The following SLC66A3 variants were observed in gnomAD, a reference collection of about 807,000 sequenced individuals.
SLC66A3 encodes solute carrier family 66 member 3.
A neutral mutation model predicts 25.5 loss-of-function variants in SLC66A3; 23 were observed. That is an observed-to-expected ratio of 0.90 (90% CI 0.65 to 1.28). The LOEUF is 1.28. Among genes scored for constraint, SLC66A3 ranks in the 50% most tolerant of loss-of-function variants. SLC66A3 has a pLI of 0.00. For missense variants in SLC66A3, 246 were observed against 262.1 expected (o/e 0.94, Z 0.42); for synonymous variants, 108 against 112.6 (o/e 0.96, Z 0.26).
chr2:11,176,036 A>G (rs1286244695), intron 6 of SLC66A3, among the ~76,000 whole-genome samples: 1 of 152,232 alleles, frequency 6.6e-6, no homozygotes, highest in Non-Finnish European at 1.5e-5. Flanking sequence ...GGGAAGGAAG[A>G]CAGGCTTGGG....
intron 6 of SLC66A3, among the ~76,000 whole-genome samples, 169 bp from the exon 7 acceptor site, chr2:11,177,568 C>T (rs1662805059): frequency 6.6e-6 from 1 of 152,140 alleles, no homozygotes; most frequent in Admixed American, 6.6e-5. Flanking sequence ...GGCCAAGGGG[C>T]CAAAAATTGT....
chr2:11,165,671 G>C (rs532128688), intron 4 of SLC66A3, among the ~76,000 whole-genome samples: 2 of 152,278 alleles, frequency 1.3e-5, no homozygotes, highest in East Asian at 3.9e-4. Context: ...AGGCGGCTGG[G>C]AGGTGCAGGT....
chr2:11,159,868 G>A (rs541733535), intron 1 of SLC66A3, among the ~76,000 whole-genome samples: 9 of 152,198 alleles, frequency 5.9e-5, no homozygotes, highest in East Asian at 5.8e-4. Flanking sequence ...CCTCACAGCC[G>A]GAGTCTTCTT....
Position 11,162,058 on chromosome 2 carries a change from G to A in SLC66A3, c.296+1364G>A, listed in dbSNP as rs1035028016. ...CTTCAGCATACACCATAAACTGTGC[G>A]TCCCCCATCTGTGACATGGGATCAT... On this transcript the variant is annotated intron_variant, in intron 3 of 6. Coordinates refer to ENST00000295083, the MANE Select transcript of SLC66A3 (RefSeq NM_152391.5). Among the ~76,000 whole-genome samples, 47 of 152,176 alleles carry A rather than the reference G, an allele frequency of 3.1e-4. 1 individual carries two copies. The highest frequency in any genetic ancestry group is 5.9e-5 in the Non-Finnish European group (4 of 68,044).
chr2:11,172,621 TTCA>T, intron 5 of SLC66A3: 1 of 224,806 alleles, frequency 4.4e-6, no homozygotes, highest in Non-Finnish European at 9.5e-6. Flanking sequence ...TTAAGTAGAC[TTCA>T]TCATGGTTCT....
intron 6 of SLC66A3, among the ~76,000 whole-genome samples, chr2:11,176,763 C>T (rs1558261853): frequency 8.7e-6 from 1 of 115,528 alleles, no homozygotes; most frequent in Admixed American, 8.8e-5. Flanking sequence ...CTCCTGACCT[C>T]GTGATCCGCC....
chr2:11,160,800 CTAAAA>C (rs2147984829), intron 3 of SLC66A3, 106 bp downstream of exon 3: 1 of 1,219,672 alleles, frequency 8.2e-7, no homozygotes. Flanking sequence ...TTTGGTTAAA[CTAAAA>C]AAAAAAAAAA....
In SLC66A3 at chr2:11,178,026, T is replaced by C; in HGVS notation, c.*198T>C. ...ACCAATTTGCCTCCTCCTTCCTCACTTCGTTAGGTTATGGTAGTGCTCAGA... is the reference window on the plus strand; with the variant it reads ...ACCAATTTGCCTCCTCCTTCCTCACCTCGTTAGGTTATGGTAGTGCTCAGA... On this transcript the variant is annotated 3_prime_UTR_variant, in exon 7 of 7. Coordinates refer to ENST00000295083, the MANE Select transcript of SLC66A3 (RefSeq NM_152391.5). 1.8e-6 allele frequency: 1 copy of C among 545,120 alleles called. No homozygotes were observed. 33.8% of individuals were successfully genotyped at this position (545,120 alleles called of 1,614,324 possible). A position where few individuals can be genotyped will look rare whatever the true frequency, so the allele number is the denominator to read the frequency against.
Position 11,155,525 on chromosome 2 carries a change from A to G in SLC66A3, c.-22A>G, listed in dbSNP as rs1271709395. 6 of 1,484,266 alleles carry G rather than the reference A, an allele frequency of 4.0e-6. No homozygotes were observed. The highest frequency in any genetic ancestry group is 2.9e-5 in the East Asian group (1 of 34,372). The allele number at this position is 1,484,266 out of a possible 1,614,324, so 91.9% of individuals were successfully genotyped here. A position where few individuals can be genotyped will look rare whatever the true frequency, so the allele number is the denominator to read the frequency against. Reference sequence around the variant, plus strand: ...CGGTCCCTTCTCGCTGCGGCCGCCCAGGTGCCCGCGCCCGTGGCGCTATGG... The same window carrying G: ...CGGTCCCTTCTCGCTGCGGCCGCCCGGGTGCCCGCGCCCGTGGCGCTATGG... On this transcript the variant is annotated 5_prime_UTR_variant, in exon 1 of 7. Transcript: ENST00000295083.
At chr2:11,169,862 C>CA (rs1662486620) in intron 4 of SLC66A3, among the ~76,000 whole-genome samples, 1 of 43,934 alleles carries the variant, frequency 2.3e-5, no homozygotes, top group South Asian at 8.7e-4. Flanking sequence ...TTTTTTGAGA[C>CA]AGAGTCTTGC....
chr2:11,177,680 G>A lies in SLC66A3; in HGVS notation c.518-57G>A, dbSNP rs897752657. On this transcript the variant is annotated intron_variant, in intron 6 of 6. Transcript: ENST00000295083. Reference sequence around the variant, plus strand: ...TTTAGGCTTATACTTTGAGCAGGAGGTGGTTTTGGTCTGTATTGTAAAGAC... The same window carrying A: ...TTTAGGCTTATACTTTGAGCAGGAGATGGTTTTGGTCTGTATTGTAAAGAC... The A allele has an allele frequency of 3.9e-6, 4 of 1,037,148 alleles. No homozygotes were observed. The East Asian group carries it at 7.3e-5, about 19-fold the overall frequency. 64.2% of individuals were successfully genotyped at this position (1,037,148 alleles called of 1,614,324 possible).
In SLC66A3 at chr2:11,155,665, C is replaced by A. The variant is rs745573730; in HGVS notation, c.119C>A (p.Pro40Gln). 1.4e-6 allele frequency: 2 copies of A among 1,467,134 alleles called. No individual in the cohort carries two copies. Among genetic ancestry groups the A allele is most frequent in the African/African-American group, 1.5e-5 (1 of 68,436 alleles). 90.9% of individuals were successfully genotyped at this position (1,467,134 alleles called of 1,614,324 possible). ...CGCAGCGCGCGGGGCCTCAGCCTTCCGAGTTTACTTCTGGAGCTGGCAGGG... is the reference window on the plus strand; with the variant it reads ...CGCAGCGCGCGGGGCCTCAGCCTTCAGAGTTTACTTCTGGAGCTGGCAGGG... ...AARSARGLSL[P>Q]SLLLELAGFL... Residue 40 changes from proline to glutamine, a missense_variant, in exon 1 of 7, where the codon CCG becomes CAG. Around this residue, in one of 3 missense-constraint regions of SLC66A3, gnomAD observed 142 missense variants for 130.3 expected, o/e 1.09. Coordinates refer to ENST00000295083, the MANE Select transcript of SLC66A3 (RefSeq NM_152391.5).
At chr2:11,171,860 A>G (rs1662565074) in intron 4 of SLC66A3, 65 bp from the exon 5 acceptor site, 1 of 1,587,968 alleles carries the variant, frequency 6.3e-7, no homozygotes, top group East Asian at 2.3e-5. Context: ...GAGCCACCGC[A>G]CCTGGCCTCT....
intron 1 of SLC66A3, among the ~76,000 whole-genome samples, chr2:11,156,691 G>A (rs1020237532): frequency 6.6e-6 from 1 of 152,154 alleles, no homozygotes; most frequent in Non-Finnish European, 1.5e-5. Flanking sequence ...CCAATAGGGG[G>A]CTTTGAGGGG....
At chr2:11,158,187 T>G (rs957112669) in intron 1 of SLC66A3, among the ~76,000 whole-genome samples, 4 of 152,208 alleles carry the variant, frequency 2.6e-5, no homozygotes, top group African/African-American at 9.7e-5. Context: ...TGGCATGATT[T>G]TATTATGATA....
intron 3 of SLC66A3, among the ~76,000 whole-genome samples, chr2:11,162,541 T>C (rs928476911): frequency 2.0e-5 from 3 of 152,224 alleles, no homozygotes; most frequent in African/African-American, 4.8e-5. Flanking sequence ...TAATCTCCCA[T>C]TGGTTGTGAC....
chr2:11,173,085 ACTC>A (rs1489575389), intron 5 of SLC66A3, among the ~76,000 whole-genome samples: 8 of 151,894 alleles, frequency 5.3e-5, no homozygotes, highest in African/African-American at 1.9e-4. Flanking sequence ...CTGGTTTTGA[ACTC>A]CTGACCTCAA....
At chr2:11,164,324 T>G (rs557477383) in intron 4 of SLC66A3, 63 bp downstream of exon 4, 45 of 254,880 alleles carry the variant, frequency 1.8e-4, no homozygotes, top group African/African-American at 1.4e-3. Flanking sequence ...ACTTGATAGA[T>G]ATTTATATAT....
At chr2:11,177,490 C>CT (rs1662799599) in intron 6 of SLC66A3, among the ~76,000 whole-genome samples, 1 of 152,000 alleles carries the variant, frequency 6.6e-6, no homozygotes, top group Admixed American at 6.6e-5. Flanking sequence ...AGTTATAACC[C>CT]TTCTTAGCCA....
Sources: gnomAD v4.1 joint callset for allele counts (sites outside exome capture counted in the v4.1 genomes callset) on GRCh38, gnomAD v4.1.1 for gene constraint, gnomAD v4.1.1 regional missense constraint, MANE v1.5 for transcripts, NCBI Gene and HGNC (gene_info 2026-07-23, HGNC 2026-07-21) for gene names.